The following CDH13 variants were observed in gnomAD, a reference collection of about 807,000 sequenced individuals.
CDH13 encodes cadherin-13.
CDH13 carries 24 observed loss-of-function variants against 63.8 expected under a neutral mutation model. The ratio of observed to expected loss-of-function variants is 0.38; its 90% CI spans 0.27 to 0.53. The LOEUF (loss-of-function observed/expected upper bound fraction) is 0.53, where lower values mean the gene tolerates loss of function less well. Among genes scored for constraint, CDH13 ranks in the 20% least tolerant of loss-of-function variants. The pLI is 0.85. For synonymous variants in CDH13, 503 were observed against 355.3 expected, an observed-to-expected ratio of 1.42 and a Z score of -4.67; for missense variants, 1,049 against 903.1, an observed-to-expected ratio of 1.16 and a Z score of -2.07.
chr16:82,891,831 C>T (rs943957679), intron 2 of CDH13, among the ~76,000 whole-genome samples: 7 of 152,170 alleles, frequency 4.6e-5, no homozygotes. Flanking sequence ...GGGCTAGGGA[C>T]AGTGTGGACA....
At chr16:82,657,044 A>G (rs982315006) in intron 1 of CDH13, among the ~76,000 whole-genome samples, 13 of 151,856 alleles carry the variant, frequency 8.6e-5, no homozygotes, top group Non-Finnish European at 1.2e-4. Flanking sequence ...TAAAGCTGCT[A>G]TAAACATTTG....
At chr16:83,128,847 A>G (rs905365203) in intron 4 of CDH13, among the ~76,000 whole-genome samples, 1 of 152,226 alleles carries the variant, frequency 6.6e-6, no homozygotes, top group Non-Finnish European at 1.5e-5. Flanking sequence ...TGTGTTGCCC[A>G]TACTTGTTCT....
chr16:83,406,790 A>T (rs2092054906), intron 6 of CDH13, among the ~76,000 whole-genome samples: 1 of 152,114 alleles, frequency 6.6e-6, no homozygotes, highest in Admixed American at 6.6e-5. Context: ...CTAGCTGAGG[A>T]TTCTGTAACA....
chr16:83,298,478 A>T (rs1448619996), intron 5 of CDH13, among the ~76,000 whole-genome samples: 1 of 152,178 alleles, frequency 6.6e-6, no homozygotes, highest in Non-Finnish European at 1.5e-5. Flanking sequence ...AGCCTGCAAA[A>T]ATAATCTCTC....
intron 6 of CDH13, 41 bp downstream of exon 6, chr16:83,345,047 A>G (rs1203990500): frequency 1.2e-6 from 2 of 1,601,626 alleles, no homozygotes; most frequent in East Asian, 2.2e-5. Flanking sequence ...TGGCTTGGAA[A>G]GAGGCACACT....
chr16:83,112,606 T>C (rs184830626), intron 3 of CDH13, among the ~76,000 whole-genome samples: 99 of 152,300 alleles, frequency 6.5e-4, no homozygotes, highest in African/African-American at 2.3e-3. Context: ...TTTGTTAGTT[T>C]CCCCATAATA....
chr16:83,316,940 T>A (rs2090119047), intron 5 of CDH13, among the ~76,000 whole-genome samples: 1 of 152,206 alleles, frequency 6.6e-6, no homozygotes, highest in Admixed American at 6.5e-5. Context: ...CGGCTTCGCC[T>A]TTCTTCTTGA....
At position 83,047,607 on chromosome 16, in the gene CDH13, T is replaced by C. The variant is rs1425596116; in HGVS notation, c.366+15389T>C. 6.6e-6 allele frequency among the ~76,000 whole-genome samples: 1 copy of C among 152,186 alleles called. No individual in the cohort carries two copies. The highest frequency in any genetic ancestry group is 1.5e-5 in the Non-Finnish European group (1 of 68,020). ...TGTATTTTCCCAAATTCTGCATAAA[T>C]AAAATAATATGCTCCATAATGGCAG... On this transcript the variant is annotated intron_variant, in intron 3 of 13. Coordinates refer to ENST00000567109, the MANE Select transcript of CDH13 (RefSeq NM_001257.5). The surrounding 1 kb of genome is among the most constrained non-coding windows in gnomAD (Gnocchi z 4.9).
intron 10 of CDH13, among the ~76,000 whole-genome samples, chr16:83,687,654 C>G (rs537069896): frequency 6.6e-6 from 1 of 152,322 alleles, no homozygotes; most frequent in African/African-American, 2.4e-5. Flanking sequence ...CAAACATTGA[C>G]TAATGTCTAC....
chr16:83,565,210 C>G (rs1363350601), intron 7 of CDH13, among the ~76,000 whole-genome samples: 2 of 152,070 alleles, frequency 1.3e-5, no homozygotes, highest in Non-Finnish European at 2.9e-5. Context: ...AGGCTTACTT[C>G]TCGGTTTCTG....
intron 10 of CDH13, among the ~76,000 whole-genome samples, chr16:83,682,764 C>T (rs1915510395): frequency 6.6e-6 from 1 of 152,178 alleles, no homozygotes; most frequent in Admixed American, 6.5e-5. Context: ...TCAGCTCCAA[C>T]AACCCCATCT....
At chr16:83,207,035 GT>G (rs2039202851) in intron 4 of CDH13, among the ~76,000 whole-genome samples, 1 of 152,216 alleles carries the variant, frequency 6.6e-6, no homozygotes, top group South Asian at 2.1e-4. Flanking sequence ...GATCTGAATA[GT>G]TTAATCAGTT....
At chr16:83,261,622 A>T (rs543875822) in intron 5 of CDH13, among the ~76,000 whole-genome samples, 9 of 152,078 alleles carry the variant, frequency 5.9e-5, no homozygotes, top group Non-Finnish European at 1.0e-4. Context: ...CAAAGAAATT[A>T]TCCAGTACAA....
At position 83,424,786 on chromosome 16, in the gene CDH13, A is replaced by G. The variant is rs946141405; in HGVS notation, c.782-61691A>G. The stretch of plus-strand genomic sequence containing the variant: ...CACACATTACAGATGAAGCCACTGT[A>G]TCAGTCAGAGACCAATTTTAATCCC... On this transcript the variant is annotated intron_variant, in intron 6 of 13. Transcript: ENST00000567109. 4.6e-5 allele frequency among the ~76,000 whole-genome samples: 7 copies of G among 152,284 alleles called. No homozygotes were observed. The East Asian group carries it at 5.8e-4, about 13-fold the overall frequency.
Position 83,787,518 on chromosome 16 carries a change from G to A in CDH13, c.2134+4046G>A, listed in dbSNP as rs190584803. Among the ~76,000 whole-genome samples the A allele has an allele frequency of 3.2e-4, 49 of 152,204 alleles. 1 individual carries two copies. The East Asian group carries it at 8.7e-3, about 27-fold the overall frequency. On this transcript the variant is annotated intron_variant, in intron 13 of 13. Transcript: ENST00000567109. ...GATTCCCTTATCAGCAGACACATTC[G>A]AATCATTTACTATGACCAACGCTAC...
At chr16:83,055,503 A>G (rs1429165434) in intron 3 of CDH13, among the ~76,000 whole-genome samples, 3 of 152,084 alleles carry the variant, frequency 2.0e-5, no homozygotes, top group Admixed American at 6.5e-5. Flanking sequence ...TAATTTGAAA[A>G]TTAAAACTGG....
intron 2 of CDH13, among the ~76,000 whole-genome samples, chr16:82,997,125 GTGGTGATGGTGGTGATGA>G (rs1207872756): frequency 7.1e-6 from 1 of 140,894 alleles, no homozygotes; most frequent in Non-Finnish European, 1.5e-5. Flanking sequence ...GATGCTGATG[GTGGTGATGGTGGTGATGA>G]TGGTGATGAT....
intron 5 of CDH13, among the ~76,000 whole-genome samples, chr16:83,247,800 A>G (rs540292539): frequency 2.4e-4 from 36 of 152,310 alleles, no homozygotes; most frequent in Admixed American, 4.6e-4. Context: ...TGAACCAGGA[A>G]CCAGAGAGCC....
chr16:83,350,736 T>A (rs998380864), intron 6 of CDH13, among the ~76,000 whole-genome samples: 1 of 152,080 alleles, frequency 6.6e-6, no homozygotes, highest in African/African-American at 2.4e-5. Flanking sequence ...TGCTACAACA[T>A]AGTTGTATGG....
Sources: allele counts gnomAD v4.1 joint callset (sites outside exome capture counted in the v4.1 genomes callset), GRCh38; gene constraint gnomAD v4.1.1; non-coding constraint Gnocchi (gnomAD v3.1); transcripts MANE v1.5; gene names NCBI Gene and HGNC (gene_info 2026-07-23, HGNC 2026-07-21).